Variants in CCSER1 observed in about 807,000 individuals in gnomAD.
CCSER1 encodes coiled-coil serine rich protein 1.
In CCSER1, 41 loss-of-function variants were observed where a neutral mutation model predicts 82.0. That is an observed-to-expected ratio of 0.50 (90% confidence interval 0.39 to 0.65). The LOEUF (loss-of-function observed/expected upper bound fraction) is 0.65, where lower values mean the gene tolerates loss of function less well. CCSER1 is among the 30% of genes least tolerant of loss of function. The probability of loss-of-function intolerance (pLI) is 0.00; values close to 1 mark genes in which losing one functional copy is unlikely to be tolerated. For synonymous variants in CCSER1, 414 were observed against 383.9 expected, an observed-to-expected ratio of 1.08 and a Z score of -0.92; for missense variants, 1,119 against 1,064.2, an observed-to-expected ratio of 1.05 and a Z score of -0.72.
intron 8 of CCSER1, among the ~76,000 whole-genome samples, chr4:90,836,603 C>T (rs1007451588): frequency 6.6e-6 from 1 of 152,192 alleles, no homozygotes; most frequent in Non-Finnish European, 1.5e-5. Context: ...CCTTCCAAGA[C>T]TTGATTTTCT....
chr4:90,287,145 T>C (rs1397301781), intron 1 of CCSER1, among the ~76,000 whole-genome samples: 1 of 151,786 alleles, frequency 6.6e-6, no homozygotes, highest in East Asian at 1.9e-4. Flanking sequence ...AAAGAAGCAA[T>C]AGAATCATTG....
chr4:91,279,635 C>T (rs1291201480), intron 10 of CCSER1, among the ~76,000 whole-genome samples: 1 of 151,978 alleles, frequency 6.6e-6, no homozygotes, highest in African/African-American at 2.4e-5. Context: ...ATTGCTCATT[C>T]ATATCCTGAA....
chr4:90,914,058 C>T (rs1482531339), intron 8 of CCSER1, among the ~76,000 whole-genome samples: 1 of 152,096 alleles, frequency 6.6e-6, no homozygotes, highest in Non-Finnish European at 1.5e-5. Context: ...GGCTTTAACA[C>T]CCCACTGTCA....
At chr4:91,218,233 G>A (rs113616687) in intron 10 of CCSER1, among the ~76,000 whole-genome samples, 8,825 of 152,260 alleles carry the variant, frequency 0.058, 502 homozygotes, top group African/African-American at 0.15. Flanking sequence ...CCCATTGCCC[G>A]GGGCCAGAAG....
intron 10 of CCSER1, among the ~76,000 whole-genome samples, chr4:91,087,735 C>T (rs1479861318): frequency 1.3e-5 from 2 of 152,106 alleles, no homozygotes; most frequent in African/African-American, 4.8e-5. Flanking sequence ...CTTGACATCT[C>T]TAATTCATGA....
intron 7 of CCSER1, among the ~76,000 whole-genome samples, chr4:90,788,711 C>T (rs1277988241): frequency 1.3e-5 from 2 of 152,166 alleles, no homozygotes; most frequent in Non-Finnish European, 2.9e-5. Flanking sequence ...GGGACTTCAA[C>T]ATAGGAATTG....
intron 10 of CCSER1, among the ~76,000 whole-genome samples, chr4:91,561,369 T>C (rs1762644252): frequency 6.6e-6 from 1 of 151,404 alleles, no homozygotes; most frequent in Non-Finnish European, 1.5e-5. Context: ...ATATTGTTAG[T>C]TTTTCCTGGG....
intron 5 of CCSER1, among the ~76,000 whole-genome samples, chr4:90,532,276 T>G (rs1774629105): frequency 6.6e-6 from 1 of 152,174 alleles, no homozygotes; most frequent in Non-Finnish European, 1.5e-5. Context: ...TCCGTATCTC[T>G]AAATTCAGCA....
intron 1 of CCSER1, among the ~76,000 whole-genome samples, chr4:90,193,893 C>T (rs1423846789): frequency 1.3e-5 from 2 of 152,078 alleles, no homozygotes; most frequent in African/African-American, 4.8e-5. Flanking sequence ...ATTTTGAAAT[C>T]GGGGACTTTG....
intron 4 of CCSER1, among the ~76,000 whole-genome samples, chr4:90,414,777 C>G (rs946997533): frequency 6.6e-6 from 1 of 151,920 alleles, no homozygotes; most frequent in Non-Finnish European, 1.5e-5. Flanking sequence ...GTCAATATTT[C>G]AAATAAGTTC....
At chr4:91,095,175 G>A (rs574843141) in intron 10 of CCSER1, among the ~76,000 whole-genome samples, 57 of 152,222 alleles carry the variant, frequency 3.7e-4, no homozygotes, top group Admixed American at 1.5e-3. Context: ...ATTTGAGCCC[G>A]GTCCCCTTCA....
At chr4:91,153,942 G>A (rs1730531804) in intron 10 of CCSER1, among the ~76,000 whole-genome samples, 1 of 151,986 alleles carries the variant, frequency 6.6e-6, no homozygotes, top group South Asian at 2.1e-4. Flanking sequence ...CTCCCAGTTA[G>A]GCTACTCATG....
At chr4:91,431,203 T>G (rs1045221080) in intron 10 of CCSER1, among the ~76,000 whole-genome samples, 1 of 152,016 alleles carries the variant, frequency 6.6e-6, no homozygotes, top group African/African-American at 2.4e-5. Context: ...GCCAATGCAC[T>G]CCAGTCTGGG....
At chr4:90,332,385 C>T (rs763591358) in intron 3 of CCSER1, among the ~76,000 whole-genome samples, 18 of 151,820 alleles carry the variant, frequency 1.2e-4, no homozygotes, top group South Asian at 2.1e-4. Context: ...TACAAGCGTG[C>T]GCTACCACCC....
chr4:90,311,007 TA>T (rs1196853566), intron 2 of CCSER1, among the ~76,000 whole-genome samples: 1 of 152,078 alleles, frequency 6.6e-6, no homozygotes, highest in Non-Finnish European at 1.5e-5. Context: ...GAGAATATGA[TA>T]ATGATGATGA....
intron 10 of CCSER1, among the ~76,000 whole-genome samples, chr4:91,508,781 G>A (rs1759668667): frequency 6.6e-6 from 1 of 151,418 alleles, no homozygotes; most frequent in Non-Finnish European, 1.5e-5. Flanking sequence ...CACTTTTTTA[G>A]GTCTGTACAG....
chr4:91,102,143 C>T (rs889230460), intron 10 of CCSER1, among the ~76,000 whole-genome samples: 2 of 151,986 alleles, frequency 1.3e-5, no homozygotes, highest in African/African-American at 4.8e-5. Flanking sequence ...ACTGTTGATG[C>T]CACAAAAGAC....
At chr4:91,208,000 T>C (rs1736486597) in intron 10 of CCSER1, among the ~76,000 whole-genome samples, 1 of 152,008 alleles carries the variant, frequency 6.6e-6, no homozygotes. Flanking sequence ...TGTATTTCCA[T>C]ATGCTTGTTG....
chr4:91,577,517 C>A (rs1447906287), intron 10 of CCSER1, among the ~76,000 whole-genome samples: 1 of 151,840 alleles, frequency 6.6e-6, no homozygotes, highest in Non-Finnish European at 1.5e-5. Flanking sequence ...ATTTTTATCA[C>A]CAGGAGGAAG....
Sources: gnomAD v4.1 joint callset for allele counts (sites outside exome capture counted in the v4.1 genomes callset) on GRCh38, gnomAD v4.1.1 for gene constraint, MANE v1.5 for transcripts, NCBI Gene and HGNC (gene_info 2026-07-23, HGNC 2026-07-21) for gene names.